The following LRCH1 variants were observed in gnomAD, a reference collection of about 807,000 sequenced individuals.
LRCH1 encodes the protein leucine-rich repeat and calponin homology domain-containing protein 1.
LRCH1 carries 23 observed loss-of-function variants against 94.9 expected under a neutral mutation model. The observed-to-expected ratio is 0.24, with a 90% CI of 0.17 to 0.34. The LOEUF (loss-of-function observed/expected upper bound fraction) is 0.34, where lower values mean the gene tolerates loss of function less well. Among genes scored for constraint, LRCH1 ranks in the 10% least tolerant of loss-of-function variants. The pLI is 1.00. For synonymous variants in LRCH1, 364 were observed against 354.9 expected (o/e 1.03, Z -0.29); for missense variants, 790 against 945.9 (o/e 0.84, Z 2.16).
intron 1 of LRCH1, 69 bp downstream of exon 1, chr13:46,553,772 GCGGTGGA>G: frequency 1.3e-6 from 2 of 1,573,138 alleles, no homozygotes; most frequent in East Asian, 2.3e-5. Context: ...GTTCCCTAAC[GCGGTGGA>G]CAGTCGGAGA....
At chr13:46,557,467 G>A (rs1333983355) in intron 1 of LRCH1, among the ~76,000 whole-genome samples, 2 of 133,296 alleles carry the variant, frequency 1.5e-5, no homozygotes, top group African/African-American at 5.0e-5. Context: ...CAGCACTTTG[G>A]GAGGCCTAGG....
At chr13:46,723,121 G>A in intron 16 of LRCH1, 100 bp from the exon 17 acceptor site, 2 of 591,126 alleles carry the variant, frequency 3.4e-6, no homozygotes, top group Non-Finnish European at 5.8e-6. Flanking sequence ...AGTGGTAAAT[G>A]AATTATTTTG....
rs1274727843 is a variant in LRCH1 at position 46,742,586 on chromosome 13, C to G, written c.*738C>G. On this transcript the variant is annotated 3_prime_UTR_variant, in exon 20 of 20. Transcript: ENST00000389797. Reference sequence around the variant, plus strand: ...GCCTCACGTGGAGGAGTCACTTAAACACCAGTTTTTTACTGCTTAATTCCT... The same window carrying G: ...GCCTCACGTGGAGGAGTCACTTAAAGACCAGTTTTTTACTGCTTAATTCCT... 1 of 985,348 alleles carries G rather than the reference C, an allele frequency of 1.0e-6. No homozygotes were observed. Among genetic ancestry groups the G allele is most frequent in the African/African-American group, 1.7e-5 (1 of 57,238 alleles). The allele number at this position is 985,348 out of a possible 1,614,324, so 61.0% of individuals were successfully genotyped here. A position where few individuals can be genotyped will look rare whatever the true frequency, so the allele number is the denominator to read the frequency against.
intron 1 of LRCH1, among the ~76,000 whole-genome samples, chr13:46,573,866 A>ATATATATATATATATATATATATATATT: frequency 3.6e-3 from 227 of 63,186 alleles, no homozygotes; most frequent in Non-Finnish European, 5.4e-3. Flanking sequence ...ATATATATAT[A>ATATATATATATATATATATATATATATT]TTTTTTTTTT....
intron 1 of LRCH1, among the ~76,000 whole-genome samples, chr13:46,639,860 T>C (rs2051137892): frequency 6.6e-6 from 1 of 152,238 alleles, no homozygotes; most frequent in African/African-American, 2.4e-5. Context: ...CTCTCTAGAA[T>C]TTAAGTCATG....
At chr13:46,727,552 G>A (rs1872882872) in intron 17 of LRCH1, among the ~76,000 whole-genome samples, 1 of 152,172 alleles carries the variant, frequency 6.6e-6, no homozygotes, top group African/African-American at 2.4e-5. Flanking sequence ...ATCCAGGCTG[G>A]AGAGCAGTGG....
chr13:46,715,930 G>A (rs1438179292), intron 16 of LRCH1, among the ~76,000 whole-genome samples: 1 of 151,500 alleles, frequency 6.6e-6, no homozygotes, highest in Non-Finnish European at 1.5e-5. Context: ...TTCTGCTTGG[G>A]TTTTTTGGTT....
chr13:46,634,244 T>C (rs1398527163), intron 1 of LRCH1, among the ~76,000 whole-genome samples: 4 of 152,222 alleles, frequency 2.6e-5, no homozygotes, highest in Admixed American at 2.0e-4. Context: ...AAGCCCCAGA[T>C]GCCACCAGCT....
rs1870592048 is a variant in LRCH1 at position 46,685,989 on chromosome 13, A to AT, written c.770_771insT (p.Gln257HisfsTer8). 1 of 1,610,698 alleles carries AT rather than the reference A, an allele frequency of 6.2e-7. No individual in the cohort carries two copies. Among genetic ancestry groups the AT allele is most frequent in the Admixed American group, 1.7e-5 (1 of 59,396 alleles). ...CCAATTTGTTTTAGAGAGATGAAGC[A>AT]GCTGCAAGTGTTACTACTTGAGAAT... On this transcript the variant is annotated frameshift_variant, in exon 5 of 20. Transcript: ENST00000389797. LOFTEE classifies it high-confidence loss of function.
intron 1 of LRCH1, among the ~76,000 whole-genome samples, chr13:46,642,904 C>G (rs1321226668): frequency 1.3e-5 from 2 of 149,926 alleles, no homozygotes; most frequent in Admixed American, 1.3e-4. Context: ...GAACCCCAGG[C>G]TTTAGGATGT....
chr13:46,553,431 TC>T lies in LRCH1; in HGVS notation c.38del (p.Pro13ArgfsTer5). ...CCGGGAAGCGAACCCCAACCTTTCG[TC>T]CCGGCCCTTTCGGTAGCTACTCTGC... ...ATPGSEPQPF[V>X]PALSVATLHP... On this transcript the variant is annotated frameshift_variant, in exon 1 of 20. Transcript: ENST00000389797. LOFTEE classifies it high-confidence loss of function. 1 of 1,547,770 alleles carries T rather than the reference TC, an allele frequency of 6.5e-7. No homozygotes were observed. Among genetic ancestry groups the T allele is most frequent in the Non-Finnish European group, 8.7e-7 (1 of 1,146,154 alleles).
chr13:46,623,077 C>T (rs1440487994), intron 1 of LRCH1, among the ~76,000 whole-genome samples: 2 of 152,108 alleles, frequency 1.3e-5, no homozygotes, highest in East Asian at 3.9e-4. Context: ...CTGTCATTTG[C>T]ATGCACTGTA....
chr13:46,697,848 G>A (rs1209420010), intron 9 of LRCH1, among the ~76,000 whole-genome samples: 3 of 149,072 alleles, frequency 2.0e-5, no homozygotes, highest in African/African-American at 7.3e-5. Context: ...CTTAGCAAAA[G>A]CAACCCAGTA....
At chr13:46,734,574 C>A (rs553397982) in intron 19 of LRCH1, among the ~76,000 whole-genome samples, 2 of 152,280 alleles carry the variant, frequency 1.3e-5, no homozygotes, top group Admixed American at 6.5e-5. Flanking sequence ...TGCTTTGAGC[C>A]CAATAGGCAA....
intron 16 of LRCH1, chr13:46,717,799 T>C (rs1051424513): frequency 1.3e-5 from 2 of 152,222 alleles, no homozygotes; most frequent in Non-Finnish European, 2.9e-5. Context: ...TTATCCTTTT[T>C]TTAAAATTCT....
intron 3 of LRCH1, among the ~76,000 whole-genome samples, chr13:46,672,290 T>C (rs901392652): frequency 2.6e-5 from 4 of 152,190 alleles, no homozygotes; most frequent in African/African-American, 9.6e-5. Context: ...GAGGGACATC[T>C]TGGTGGCTTG....
At chr13:46,692,404 C>T in intron 7 of LRCH1, 132 bp from the exon 8 acceptor site, 2 of 631,564 alleles carry the variant, frequency 3.2e-6, no homozygotes, top group Non-Finnish European at 5.4e-6. Flanking sequence ...TGGAATTGAC[C>T]TTTGTATCTG....
At chr13:46,670,510 G>A (rs947835303) in intron 3 of LRCH1, among the ~76,000 whole-genome samples, 1 of 152,220 alleles carries the variant, frequency 6.6e-6, no homozygotes, top group Non-Finnish European at 1.5e-5. Flanking sequence ...CTAAGTGAGA[G>A]GCAGATCTGG....
At position 46,701,215 on chromosome 13, in the gene LRCH1, T is replaced by C. The variant is rs201714264; in HGVS notation, c.1400+8T>C. 1.9e-4 allele frequency: 305 copies of C among 1,597,524 alleles called. 2 individuals carry two copies. The Admixed American group carries it at 4.8e-3, about 25-fold the overall frequency. On this transcript the variant is annotated splice_region_variant and intron_variant, in intron 11 of 19. Coordinates refer to ENST00000389797, the MANE Select transcript of LRCH1 (RefSeq NM_001164211.2). The stretch of plus-strand genomic sequence containing the variant: ...GCTGCAAGATCCCAATGGGTGTGTA[T>C]GTCTCCTTGGTCCAGGTTTCATGTG...
Sources: allele counts gnomAD v4.1 joint callset (sites outside exome capture counted in the v4.1 genomes callset), GRCh38; gene constraint gnomAD v4.1.1; transcripts MANE v1.5; gene names NCBI Gene and HGNC (gene_info 2026-07-23, HGNC 2026-07-21).